Variants in ETS2 observed in about 807,000 individuals in gnomAD.
ETS2 encodes the protein ETS proto-oncogene 2, transcription factor.
A neutral mutation model predicts 54.9 loss-of-function variants in ETS2; 19 were observed. That is an observed-to-expected ratio of 0.35 (90% CI 0.24 to 0.51). ETS2 has a LOEUF of 0.51. Ranked by LOEUF, ETS2 falls within the 20% of genes least tolerant of loss-of-function variation. The probability of loss-of-function intolerance (pLI) is 0.97; values close to 1 mark genes in which losing one functional copy is unlikely to be tolerated. For missense variants in ETS2, 417 were observed against 593.0 expected (o/e 0.70, Z 3.08); for synonymous variants, 219 against 229.3 (o/e 0.95, Z 0.41).
In ETS2 at chr21:38,806,710, T is replaced by C. The variant is rs1027801597; in HGVS notation, c.-1+590T>C. 16 of 985,312 alleles carry C rather than the reference T, an allele frequency of 1.6e-5. No homozygotes were observed. Among genetic ancestry groups the C allele is most frequent in the Non-Finnish European group, 1.8e-5 (15 of 829,978 alleles). The allele number at this position is 985,312 out of a possible 1,614,324, so 61.0% of individuals were successfully genotyped here. On this transcript the variant is annotated intron_variant, in intron 1 of 9. Transcript: ENST00000360938. This position sits in a 1 kb window ranked among gnomAD's most constrained non-coding sequence, Gnocchi z 4.3. ...GTCCAGGGCCCGGGCTGGGGACCCC[T>C]CGGTCGTGCGAGGAGAGCGTGGGGA...
At position 38,819,510 on chromosome 21, in the gene ETS2, C is replaced by A; in HGVS notation, c.819C>A (p.Pro273=). 6.2e-7 allele frequency: 1 copy of A among 1,613,768 alleles called. No individual in the cohort carries two copies. Among genetic ancestry groups the A allele is most frequent in the South Asian group, 1.1e-5 (1 of 91,078 alleles). ...TTTGGTTGTCTTTGCCAGGGACTCC[C>A]AAAGACCACGACTCCCCTGAGAACG... is the stretch of plus-strand genomic sequence containing the variant. ...LNLLTNNSGT[P]KDHDSPENGA... The change falls in exon 8 of 10, where the codon CCC becomes CCA. Residue 273 remains proline, a synonymous_variant. Transcript: ENST00000360938.
chr21:38,821,592 G>T lies in ETS2; in HGVS notation c.1082G>T (p.Gly361Val). The T allele has an allele frequency of 6.2e-7, 1 of 1,611,460 alleles. No homozygotes were observed. Among genetic ancestry groups the T allele is most frequent in the Non-Finnish European group, 8.5e-7 (1 of 1,177,534 alleles). ...TCCCTCCCTCTCCCCGCAGGAAGTG[G>T]ACCTATTCAGCTGTGGCAGTTTCTC... is the stretch of plus-strand genomic sequence containing the variant. Reference protein sequence around the residue: ...AAVLAGFTGSGPIQLWQFLLE... With the variant: ...AAVLAGFTGSVPIQLWQFLLE... Residue 361 changes from glycine (G) to valine (V), a missense_variant, in exon 9 of 10, where the codon GGA becomes GTA. Physicochemically the swap from Gly to Val is moderately radical, Grantham distance 109 (BLOSUM62 -3). Coordinates refer to ENST00000360938, the MANE Select transcript of ETS2 (RefSeq NM_005239.6). The surrounding 1 kb of genome is among the most constrained non-coding windows in gnomAD (Gnocchi z 4.2).
intron 8 of ETS2, among the ~76,000 whole-genome samples, chr21:38,820,952 A>T (rs937682312): frequency 3.3e-5 from 5 of 152,178 alleles, no homozygotes; most frequent in African/African-American, 9.7e-5. Context: ...CCTGCTTTGC[A>T]AGGTGGTAGT....
intron 5 of ETS2, 137 bp downstream of exon 5, chr21:38,815,118 C>A: frequency 1.4e-6 from 1 of 740,158 alleles, no homozygotes; most frequent in African/African-American, 1.7e-5. Context: ...CTCAAAATGC[C>A]ACTCAAGTGA....
Position 38,814,521 on chromosome 21 carries a change from C to A in ETS2, c.304+129C>A. ...AAAGAGTAGCATGGATGTCGTTAAC[C>A]TGAGCCAGTTTCTGTTTCACCCCAA... On this transcript the variant is annotated intron_variant, in intron 4 of 9. Transcript: ENST00000360938. The surrounding 1 kb of genome is among the most constrained non-coding windows in gnomAD (Gnocchi z 4.2). The A allele has an allele frequency of 8.5e-7, 1 of 1,177,926 alleles. No individual in the cohort carries two copies. The highest frequency in any genetic ancestry group is 2.4e-5 in the East Asian group (1 of 40,966). The allele number at this position is 1,177,926 out of a possible 1,614,324, so 73.0% of individuals were successfully genotyped here.
At position 38,821,701 on chromosome 21, in the gene ETS2, T is replaced by A; in HGVS notation, c.1191T>A (p.Asp397Glu). Residue 397 changes from aspartate to glutamate, a missense_variant, in exon 9 of 10, where the codon GAT (aspartate) becomes GAA (glutamate). By Grantham distance (45) the Asp-to-Glu change is conservative. Around this residue, in one of 3 missense-constraint regions of ETS2, gnomAD observed 60 missense variants for 134.1 expected, o/e 0.45. Transcript: ENST00000360938. The surrounding 1 kb of genome is among the most constrained non-coding windows in gnomAD (Gnocchi z 4.2). ...DGWEFKLADPDEVARRWGKRK... is the reference protein window; with the variant it reads ...DGWEFKLADPEEVARRWGKRK... ...GGGAGTTTAAGCTCGCCGACCCCGA[T>A]GAGGTATGGCCAGAGCCCTGGGAAA... The A allele has an allele frequency of 6.2e-7, 1 of 1,604,968 alleles. No homozygotes were observed. The highest frequency in any genetic ancestry group is 1.1e-5 in the South Asian group (1 of 90,890).
Position 38,818,552 on chromosome 21 carries a change from C to T in ETS2, c.717C>T (p.Phe239=), listed in dbSNP as rs768032585. 19 of 1,614,142 alleles carry T rather than the reference C, an allele frequency of 1.2e-5. No homozygotes were observed. The South Asian group carries it at 2.1e-4, about 18-fold the overall frequency. The change falls in exon 7 of 10, where the codon TTC becomes TTT. Residue 239 remains phenylalanine (F), a synonymous_variant. Coordinates refer to ENST00000360938, the MANE Select transcript of ETS2 (RefSeq NM_005239.6). Reference sequence around the variant, plus strand: ...GCTCTGAGCAGGAGTTTCAGATGTTCCCCAAGTCTCGGCTCAGCTCCGTCA... The same window carrying T: ...GCTCTGAGCAGGAGTTTCAGATGTTTCCCAAGTCTCGGCTCAGCTCCGTCA... ...VLSSEQEFQM[F]PKSRLSSVSV...
upstream of ETS2, chr21:38,805,677 T>G: frequency 3.4e-6 from 4 of 1,180,750 alleles, no homozygotes; most frequent in Non-Finnish European, 4.3e-6. The surrounding 1 kb of genome is among the most constrained non-coding windows in gnomAD (Gnocchi z 5.2). Context: ...CCTCCTCTTC[T>G]CTCCCCTCGT....
chr21:38,814,840 T>C lies in ETS2; in HGVS notation c.364T>C (p.Phe122Leu). The change falls in exon 5 of 10, where the codon TTC becomes CTC. Residue 122 changes from phenylalanine (F) to leucine (L), a missense_variant. Phe to Leu is a conservative substitution (Grantham distance 22, BLOSUM62 0). Coordinates refer to ENST00000360938, the MANE Select transcript of ETS2 (RefSeq NM_005239.6). The surrounding 1 kb of genome is among the most constrained non-coding windows in gnomAD (Gnocchi z 4.2). The part of the protein sequence containing the change: ...CQWLLWATNE[F>L]SLVNVNLQRF... The stretch of plus-strand genomic sequence containing the variant: ...GTGGCTTCTCTGGGCCACCAATGAG[T>C]TCAGTCTGGTGAACGTGAATCTGCA... 6.2e-7 allele frequency: 1 copy of C among 1,614,050 alleles called. No homozygotes were observed. Among genetic ancestry groups the C allele is most frequent in the Admixed American group, 1.7e-5 (1 of 60,008 alleles).
At position 38,805,987 on chromosome 21, in the gene ETS2, C is replaced by A. The variant is rs1247410463; in HGVS notation, c.-134C>A. The A allele has an allele frequency of 2.4e-6, 3 of 1,264,296 alleles. No individual in the cohort carries two copies. Among genetic ancestry groups the A allele is most frequent in the Non-Finnish European group, 3.1e-6 (3 of 979,200 alleles). The allele number at this position is 1,264,296 out of a possible 1,614,324, so 78.3% of individuals were successfully genotyped here. On this transcript the variant is annotated 5_prime_UTR_variant, in exon 1 of 10. Transcript: ENST00000360938. This position sits in a 1 kb window ranked among gnomAD's most constrained non-coding sequence, Gnocchi z 5.2. ...TCGCTCCAGCTCAGAGCTCCCGGAG[C>A]CGCCCGGCCAGCGTCCGGCCTCCCT...
chr21:38,819,633 C>A lies in ETS2; in HGVS notation c.942C>A (p.Phe314Leu), dbSNP rs201065633. Reference sequence around the variant, plus strand: ...AACGGGTTCCTTCCTTCGAGAGCTTCGAAGATGACTGCAGCCAGTCTCTCT... The same window carrying A: ...AACGGGTTCCTTCCTTCGAGAGCTTAGAAGATGACTGCAGCCAGTCTCTCT... Reference protein sequence around the residue: ...DVQRVPSFESFEDDCSQSLCL... With the variant: ...DVQRVPSFESLEDDCSQSLCL... Residue 314 changes from phenylalanine (F) to leucine (L), a missense_variant, in exon 8 of 10, where the codon TTC becomes TTA. Coordinates refer to ENST00000360938, the MANE Select transcript of ETS2 (RefSeq NM_005239.6). 2 of 1,614,180 alleles carry A rather than the reference C, an allele frequency of 1.2e-6. No individual in the cohort carries two copies. Among genetic ancestry groups the A allele is most frequent in the Middle Eastern group, 1.6e-4 (1 of 6,062 alleles).
chr21:38,818,388 A>G (rs781476492), intron 6 of ETS2, 37 bp from the exon 7 acceptor site: 1 of 1,612,690 alleles, frequency 6.2e-7, no homozygotes, highest in Non-Finnish European at 8.5e-7. Context: ...GGTAACACTG[A>G]CTTTAAGAGC....
chr21:38,814,285 G>T lies in ETS2; in HGVS notation c.197G>T (p.Cys66Phe). 6.2e-7 allele frequency: 1 copy of T among 1,614,018 alleles called. No homozygotes were observed. Among genetic ancestry groups the T allele is most frequent in the Non-Finnish European group, 8.5e-7 (1 of 1,179,974 alleles). ...GGTTTCCTTCCAGACTCCGCCAACT[G>T]TGAATTGCCTTTGTTAACCCCGTGC... ...LDSISHDSAN[C>F]ELPLLTPCSK... Residue 66 changes from cysteine to phenylalanine, a missense_variant, in exon 4 of 10, where the codon TGT becomes TTT. Physicochemically the swap from Cys to Phe is radical, Grantham distance 205. Around this residue, in one of 3 missense-constraint regions of ETS2, gnomAD observed 326 missense variants for 426.1 expected, o/e 0.76. Coordinates refer to ENST00000360938, the MANE Select transcript of ETS2 (RefSeq NM_005239.6). The surrounding 1 kb of genome is among the most constrained non-coding windows in gnomAD (Gnocchi z 4.2).
chr21:38,813,186 G>C (rs533324637), intron 3 of ETS2, 72 bp downstream of exon 3: 1 of 929,900 alleles, frequency 1.1e-6, no homozygotes. Context: ...AGAGATGACA[G>C]TTCCTAAGTG....
At chr21:38,813,346 A>T (rs2060920942) in intron 3 of ETS2, among the ~76,000 whole-genome samples, 1 of 152,148 alleles carries the variant, frequency 6.6e-6, no homozygotes, top group Non-Finnish European at 1.5e-5. Context: ...CGCTGTTAGG[A>T]AACTGCAGGG....
chr21:38,805,440 G>T (rs759587615), upstream of ETS2: 1 of 1,288,532 alleles, frequency 7.8e-7, no homozygotes, highest in Non-Finnish European at 1.0e-6. The surrounding 1 kb of genome is among the most constrained non-coding windows in gnomAD (Gnocchi z 5.2). Flanking sequence ...GAATTCCAAA[G>T]GCAGGTTTGG....
At position 38,821,850 on chromosome 21, in the gene ETS2, A is replaced by G; in HGVS notation, c.1194+146A>G. 1.5e-6 allele frequency: 1 copy of G among 672,340 alleles called. No homozygotes were observed. Among genetic ancestry groups the G allele is most frequent in the Non-Finnish European group, 2.7e-6 (1 of 375,730 alleles). The allele number at this position is 672,340 out of a possible 1,614,324, so 41.6% of individuals were successfully genotyped here. On this transcript the variant is annotated intron_variant, in intron 9 of 9. Coordinates refer to ENST00000360938, the MANE Select transcript of ETS2 (RefSeq NM_005239.6). This position sits in a 1 kb window ranked among gnomAD's most constrained non-coding sequence, Gnocchi z 4.2. ...TGAGGCATCCTTGGCTGTTGGGAAA[A>G]TGGAAGTGGAGTCATTGCTTTGTTG...
Position 38,814,253 on chromosome 21 carries a change from C to T in ETS2, c.185-20C>T. ...CACCAACTTGAAGTCCTAATGTCCC[C>T]ATGGGGGGTTTCCTTCCAGACTCCG... On this transcript the variant is annotated intron_variant, in intron 3 of 9. Transcript: ENST00000360938. This position sits in a 1 kb window ranked among gnomAD's most constrained non-coding sequence, Gnocchi z 4.2. 1 of 1,613,456 alleles carries T rather than the reference C, an allele frequency of 6.2e-7. No individual in the cohort carries two copies. Among genetic ancestry groups the T allele is most frequent in the Non-Finnish European group, 8.5e-7 (1 of 1,179,624 alleles).
In ETS2 at chr21:38,806,359, C is replaced by T. The variant is rs2060893009; in HGVS notation, c.-1+239C>T. 2.0e-6 allele frequency: 2 copies of T among 981,800 alleles called. No individual in the cohort carries two copies. Among genetic ancestry groups the T allele is most frequent in the Non-Finnish European group, 2.4e-6 (2 of 826,588 alleles). The allele number at this position is 981,800 out of a possible 1,614,324, so 60.8% of individuals were successfully genotyped here. On this transcript the variant is annotated intron_variant, in intron 1 of 9. Coordinates refer to ENST00000360938, the MANE Select transcript of ETS2 (RefSeq NM_005239.6). The surrounding 1 kb of genome is among the most constrained non-coding windows in gnomAD (Gnocchi z 4.3). ...GGCTGGCGGGGTCGGCCGGGGGGTTCCTGCGTGCTAGGGCCGCTGTCTTCG... is the reference window on the plus strand; with the variant it reads ...GGCTGGCGGGGTCGGCCGGGGGGTTTCTGCGTGCTAGGGCCGCTGTCTTCG...
Sources: gnomAD v4.1 joint callset for allele counts (sites outside exome capture counted in the v4.1 genomes callset) on GRCh38, gnomAD v4.1.1 for gene constraint, gnomAD v4.1.1 regional missense constraint, Gnocchi (gnomAD v3.1) non-coding constraint, MANE v1.5 for transcripts, NCBI Gene and HGNC (gene_info 2026-07-23, HGNC 2026-07-21) for gene names.